DENND3: variants seen among roughly 807,000 people sequenced by gnomAD.
DENND3 encodes DENN domain-containing protein 3.
DENND3 carries 88 observed loss-of-function variants against 135.1 expected under a neutral mutation model. The ratio of observed to expected loss-of-function variants is 0.65; its 90% CI spans 0.55 to 0.78. The LOEUF (loss-of-function observed/expected upper bound fraction) is 0.78. DENND3 is among the 30% of genes least tolerant of loss of function. DENND3 has a pLI of 0.00. For synonymous variants in DENND3, 693 were observed against 712.3 expected (o/e 0.97, Z 0.43); for missense variants, 1,392 against 1,688.4 (o/e 0.82, Z 3.08).
At position 141,194,663 on chromosome 8, in the gene DENND3, AC is replaced by A. The variant is rs1379670992; in HGVS notation, c.*432del. 1 of 190,228 alleles carries A rather than the reference AC, an allele frequency of 5.3e-6. No individual in the cohort carries two copies. Among genetic ancestry groups the A allele is most frequent in the Non-Finnish European group, 1.1e-5 (1 of 89,308 alleles). The allele number at this position is 190,228 out of a possible 1,614,324, so 11.8% of individuals were successfully genotyped here. On this transcript the variant is annotated 3_prime_UTR_variant, in exon 23 of 23. Transcript: ENST00000519811. ...TTCACTCACCCAGTCCTTACGAATC[AC>A]CGAGGAACACTGGGCTGAGCACATG... is the stretch of plus-strand genomic sequence containing the variant.
intron 17 of DENND3, among the ~76,000 whole-genome samples, chr8:141,183,031 C>G (rs1405265498): frequency 6.6e-6 from 1 of 152,198 alleles, no homozygotes; most frequent in Non-Finnish European, 1.5e-5. Flanking sequence ...AAGGTGAAAC[C>G]TCGCCCCTTC....
rs151210367 is a variant in DENND3, at chr8:141,163,964, G to A, written c.1449+535G>A. Reference sequence around the variant, plus strand: ...CTTAAAATATGGCCATTTTAAGTGTGTGGTTTGATGGATTTTGACAAATGT... The same window carrying A: ...CTTAAAATATGGCCATTTTAAGTGTATGGTTTGATGGATTTTGACAAATGT... On this transcript the variant is annotated intron_variant, in intron 10 of 22. Coordinates refer to ENST00000519811, the MANE Select transcript of DENND3 (RefSeq NM_001352890.3). Among the ~76,000 whole-genome samples the A allele has an allele frequency of 3.0e-3, 455 of 150,830 alleles. 1 individual carries two copies. The highest frequency in any genetic ancestry group is 0.011 in the African/African-American group (440 of 40,994).
At chr8:141,171,437 G>A (rs1738454951) in intron 13 of DENND3, among the ~76,000 whole-genome samples, 1 of 152,228 alleles carries the variant, frequency 6.6e-6, no homozygotes, top group Non-Finnish European at 1.5e-5. Flanking sequence ...CAGCATGGCC[G>A]TGCAGAAGCA....
In DENND3 at chr8:141,175,104, C is replaced by T. The variant is rs961441641; in HGVS notation, c.2276-96C>T. On this transcript the variant is annotated intron_variant, in intron 13 of 22. Coordinates refer to ENST00000519811, the MANE Select transcript of DENND3 (RefSeq NM_001352890.3). The surrounding 1 kb of genome is among the most constrained non-coding windows in gnomAD (Gnocchi z 5.4). ...GCTGGCGCCACCTGCTGCCGGGTTC[C>T]GGTAGTGTGCGGTTTCTTCAGGTCA... is the stretch of plus-strand genomic sequence containing the variant. The T allele has an allele frequency of 9.1e-6, 13 of 1,435,924 alleles. No homozygotes were observed. Among genetic ancestry groups the T allele is most frequent in the Admixed American group, 2.2e-5 (1 of 45,098 alleles). 88.9% of individuals were successfully genotyped at this position (1,435,924 alleles called of 1,614,324 possible). A position where few individuals can be genotyped will look rare whatever the true frequency, so the allele number is the denominator to read the frequency against.
chr8:141,144,356 T>C lies in DENND3; in HGVS notation c.735+97T>C, dbSNP rs976011765. The C allele has an allele frequency of 1.9e-5, 22 of 1,177,660 alleles. No individual in the cohort carries two copies. The East Asian group carries it at 6.0e-4, about 32-fold the overall frequency. 73.0% of individuals were successfully genotyped at this position (1,177,660 alleles called of 1,614,324 possible). ...ATGCTCACAACTATTTCTGAAGTTC[T>C]AGCTGTTGTAAACCTAAAATAACAT... On this transcript the variant is annotated intron_variant, in intron 5 of 22. Coordinates refer to ENST00000519811, the MANE Select transcript of DENND3 (RefSeq NM_001352890.3). The surrounding 1 kb of genome is among the most constrained non-coding windows in gnomAD (Gnocchi z 4.4).
rs1818094020 is a variant in DENND3, at chr8:141,146,072, C to T, written c.735+1813C>T. 6.6e-6 allele frequency among the ~76,000 whole-genome samples: 1 copy of T among 152,136 alleles called. No individual in the cohort carries two copies. The highest frequency in any genetic ancestry group is 1.5e-5 in the Non-Finnish European group (1 of 67,988). On this transcript the variant is annotated intron_variant, in intron 5 of 22. Transcript: ENST00000519811. This position sits in a 1 kb window ranked among gnomAD's most constrained non-coding sequence, Gnocchi z 4.3. ...CCTTGTTAGCCAGGGTGGTCTCGATCTCCTGACCTCGTGATCTCCCCGCCT... is the reference window on the plus strand; with the variant it reads ...CCTTGTTAGCCAGGGTGGTCTCGATTTCCTGACCTCGTGATCTCCCCGCCT...
intron 22 of DENND3, 194 bp from the exon 23 acceptor site, chr8:141,193,839 G>A (rs1825091632): frequency 1.3e-5 from 8 of 618,632 alleles, no homozygotes; most frequent in East Asian, 5.5e-5. Context: ...GAGGCCCCTC[G>A]GCCATTAGGT....
At position 141,154,070 on chromosome 8, in the gene DENND3, G is replaced by C. The variant is rs996631270; in HGVS notation, c.1075-1779G>C. Among the ~76,000 whole-genome samples, 2 of 152,248 alleles carry C rather than the reference G, an allele frequency of 1.3e-5. No homozygotes were observed. Among genetic ancestry groups the C allele is most frequent in the Admixed American group, 1.3e-4 (2 of 15,282 alleles). ...GGGCGTTAACACATCCACGGGACCG[G>C]CTGTGTGCCTCGCTGCTTTAGCGTT... On this transcript the variant is annotated intron_variant, in intron 7 of 22. Transcript: ENST00000519811. This position sits in a 1 kb window ranked among gnomAD's most constrained non-coding sequence, Gnocchi z 4.4.
chr8:141,179,429 C>T (rs979476018), intron 16 of DENND3, among the ~76,000 whole-genome samples: 15 of 152,244 alleles, frequency 9.9e-5, no homozygotes, highest in Admixed American at 4.6e-4. Context: ...CAGCGCATGA[C>T]GGCAGACGAG....
At position 141,147,127 on chromosome 8, in the gene DENND3, C is replaced by G. The variant is rs559690839; in HGVS notation, c.735+2868C>G. Among the ~76,000 whole-genome samples, 4 of 152,298 alleles carry G rather than the reference C, an allele frequency of 2.6e-5. No homozygotes were observed. The South Asian group carries it at 8.3e-4, about 32-fold the overall frequency. ...TGGCCTGCTCTTCCCTCACCCATTC[C>G]GTCCATCACTCAGCCTCGCCGGACT... is the stretch of plus-strand genomic sequence containing the variant. On this transcript the variant is annotated intron_variant, in intron 5 of 22. Coordinates refer to ENST00000519811, the MANE Select transcript of DENND3 (RefSeq NM_001352890.3).
At chr8:141,151,016 A>G (rs955872674) in intron 6 of DENND3, 63 bp downstream of exon 6, 1 of 1,457,708 alleles carries the variant, frequency 6.9e-7, no homozygotes, top group African/African-American at 1.4e-5. Flanking sequence ...CATCAGAGCA[A>G]CGATCAGAGA....
intron 1 of DENND3, among the ~76,000 whole-genome samples, chr8:141,131,309 C>T (rs1374167735): frequency 6.6e-6 from 1 of 152,180 alleles, no homozygotes; most frequent in Non-Finnish European, 1.5e-5. Context: ...TGACAGGATC[C>T]ATTATAAATC....
At position 141,146,432 on chromosome 8, in the gene DENND3, T is replaced by A. The variant is rs906439209; in HGVS notation, c.735+2173T>A. Among the ~76,000 whole-genome samples the A allele has an allele frequency of 6.6e-6, 1 of 152,256 alleles. No individual in the cohort carries two copies. The highest frequency in any genetic ancestry group is 2.4e-5 in the African/African-American group (1 of 41,474). On this transcript the variant is annotated intron_variant, in intron 5 of 22. Coordinates refer to ENST00000519811, the MANE Select transcript of DENND3 (RefSeq NM_001352890.3). This position sits in a 1 kb window ranked among gnomAD's most constrained non-coding sequence, Gnocchi z 4.3. ...GTGAAGAAACCTGTTTGACTCAGCA[T>A]GTTCCAAACTAATTTTAACTGTACT... is the stretch of plus-strand genomic sequence containing the variant.
At chr8:141,161,886 C>T (rs111748116) in intron 9 of DENND3, among the ~76,000 whole-genome samples, 28 of 151,530 alleles carry the variant, frequency 1.8e-4, no homozygotes, top group African/African-American at 6.3e-4. Context: ...CTGCAACTGC[C>T]GCCTCCCAAG....
chr8:141,150,779 T>A, intron 5 of DENND3, 55 bp from the exon 6 acceptor site: 2 of 1,519,924 alleles, frequency 1.3e-6, no homozygotes, highest in Non-Finnish European at 8.8e-7. Flanking sequence ...GTAGTGCACG[T>A]CAGCCTCTGC....
At chr8:141,190,256 GGTGTGT>G (rs144171689) in intron 19 of DENND3, 22 bp from the exon 20 acceptor site, 2 of 1,541,602 alleles carry the variant, frequency 1.3e-6, no homozygotes, top group Non-Finnish European at 8.8e-7. Flanking sequence ...CCAAGTTAAA[GGTGTGT>G]GTGTGTGTTT....
In DENND3 at chr8:141,174,941, C is replaced by T. The variant is rs1263022954; in HGVS notation, c.2276-259C>T. Among the ~76,000 whole-genome samples the T allele has an allele frequency of 1.3e-5, 2 of 152,198 alleles. No individual in the cohort carries two copies. The highest frequency in any genetic ancestry group is 2.9e-5 in the Non-Finnish European group (2 of 68,024). ...TGACTACCTGAAGCAGGTCCCGTGGCCATCCCAGAGCGGGCGGCTGGAAAG... is the reference window on the plus strand; with the variant it reads ...TGACTACCTGAAGCAGGTCCCGTGGTCATCCCAGAGCGGGCGGCTGGAAAG... On this transcript the variant is annotated intron_variant, in intron 13 of 22. Transcript: ENST00000519811. The surrounding 1 kb of genome is among the most constrained non-coding windows in gnomAD (Gnocchi z 4.6).
In DENND3 at chr8:141,182,948, GA is replaced by G. The variant is rs1377751684; in HGVS notation, c.2944+2095del. On this transcript the variant is annotated intron_variant, in intron 17 of 22. Coordinates refer to ENST00000519811, the MANE Select transcript of DENND3 (RefSeq NM_001352890.3). The surrounding 1 kb of genome is among the most constrained non-coding windows in gnomAD (Gnocchi z 5.9). ...TGGAATCGCACCCCAGAAAGACCGG[GA>G]GGCCTGCCCTTCTGGACTCAGGACG... Among the ~76,000 whole-genome samples the G allele has an allele frequency of 6.6e-6, 1 of 152,232 alleles. No homozygotes were observed. The highest frequency in any genetic ancestry group is 6.5e-5 in the Admixed American group (1 of 15,288).
In DENND3 at chr8:141,166,352, G is replaced by A; in HGVS notation, c.1716G>A (p.Arg572=). 6.2e-7 allele frequency: 1 copy of A among 1,613,198 alleles called. No individual in the cohort carries two copies. Among genetic ancestry groups the A allele is most frequent in the Non-Finnish European group, 8.5e-7 (1 of 1,180,000 alleles). ...TGGCACCCAGGAACTCCTCGCTCCG[G>A]CTGACGGACACCGCAGGCTGTAGGG... The part of the protein sequence containing the change: ...PELAPRNSSL[R]LTDTAGCRGS... The change falls in exon 12 of 23, where the codon CGG becomes CGA. Residue 572 remains arginine, a synonymous_variant. Coordinates refer to ENST00000519811, the MANE Select transcript of DENND3 (RefSeq NM_001352890.3). This position sits in a 1 kb window ranked among gnomAD's most constrained non-coding sequence, Gnocchi z 4.3.
Sources: gnomAD v4.1 joint callset for allele counts (sites outside exome capture counted in the v4.1 genomes callset) on GRCh38, gnomAD v4.1.1 for gene constraint, Gnocchi (gnomAD v3.1) non-coding constraint, MANE v1.5 for transcripts, NCBI Gene and HGNC (gene_info 2026-07-23, HGNC 2026-07-21) for gene names.